NFATC3: variants seen among roughly 807,000 people sequenced by gnomAD.
The protein encoded by NFATC3 is nuclear factor of activated T-cells, cytoplasmic 3.
In NFATC3, 46 loss-of-function variants were observed where a neutral mutation model predicts 98.6. The observed-to-expected ratio is 0.47, with a 90% confidence interval of 0.37 to 0.60. The LOEUF (loss-of-function observed/expected upper bound fraction) is 0.60. NFATC3 is among the 20% of genes least tolerant of loss of function. The probability of loss-of-function intolerance (pLI) is 0.00; values close to 1 mark genes in which losing one functional copy is unlikely to be tolerated. For synonymous variants in NFATC3, 512 were observed against 472.2 expected, an observed-to-expected ratio of 1.08 and a Z score of -1.09; for missense variants, 1,256 against 1,295.5, an observed-to-expected ratio of 0.97 and a Z score of 0.47.
Position 68,122,337 on chromosome 16 carries a change from C to A in NFATC3, c.454C>A (p.Pro152Thr), listed in dbSNP as rs1279489887. 1.9e-6 allele frequency: 3 copies of A among 1,614,146 alleles called. No individual in the cohort carries two copies. Among genetic ancestry groups the A allele is most frequent in the Non-Finnish European group, 2.5e-6 (3 of 1,180,016 alleles). The change falls in exon 2 of 10, where the codon CCT (proline) becomes ACT (threonine). Residue 152 changes from proline (P) to threonine (T), a missense_variant. Coordinates refer to ENST00000346183, the MANE Select transcript of NFATC3 (RefSeq NM_173165.3). The part of the protein sequence containing the change: ...ERPSRDHLYL[P>T]LEPSYRESSL... ...GCCTTCTAGAGATCATCTCTATCTT[C>A]CTCTTGAGCCATCCTACCGGGAGTC...
chr16:68,214,376 A>C, intron 9 of NFATC3: 1 of 1,614,208 alleles, frequency 6.2e-7, no homozygotes, highest in Non-Finnish European at 8.5e-7. Flanking sequence ...TTCAGCAGAG[A>C]AATGGCCTAA....
chr16:68,177,748 T>C (rs1413554215), intron 6 of NFATC3, among the ~76,000 whole-genome samples: 1 of 152,122 alleles, frequency 6.6e-6, no homozygotes, highest in Non-Finnish European at 1.5e-5. Flanking sequence ...AGTTTAATTA[T>C]GTTTATGTCT....
chr16:68,183,612 G>A (rs959022069), intron 8 of NFATC3, among the ~76,000 whole-genome samples: 6 of 152,050 alleles, frequency 3.9e-5, no homozygotes, highest in African/African-American at 7.2e-5. Flanking sequence ...TTTCAGAAGG[G>A]TTTTAATCAA....
Position 68,191,643 on chromosome 16 carries a change from T to G in NFATC3, c.2974T>G (p.Leu992Val). 6.2e-7 allele frequency: 1 copy of G among 1,614,168 alleles called. No individual in the cohort carries two copies. The highest frequency in any genetic ancestry group is 1.6e-4 in the Middle Eastern group (1 of 6,062). ...GGGGGGTCTTTCTGCACCTTCATCC[T>G]TAATATGTCACAGTTTGTGTGATCC... ...GQGGLSAPSS[L>V]ICHSLCDPAS... is the part of the protein sequence containing the mutation. The change falls in exon 9 of 10, where the codon TTA becomes GTA. Residue 992 changes from leucine to valine, a missense_variant. Transcript: ENST00000346183.
chr16:68,144,281 T>C (rs2037915508), intron 3 of NFATC3, among the ~76,000 whole-genome samples: 1 of 152,124 alleles, frequency 6.6e-6, no homozygotes, highest in African/African-American at 2.4e-5. Flanking sequence ...AATATAATAC[T>C]AACTGTTGTC....
In NFATC3 at chr16:68,218,586, T is replaced by C. The variant is rs184100624; in HGVS notation, c.3107-7764T>C. Among the ~76,000 whole-genome samples the C allele has an allele frequency of 4.4e-3, 650 of 148,336 alleles. 6 individuals are homozygous for C. The highest frequency in any genetic ancestry group is 0.015 in the African/African-American group (597 of 39,250). On this transcript the variant is annotated intron_variant, in intron 9 of 9. Coordinates refer to ENST00000346183, the MANE Select transcript of NFATC3 (RefSeq NM_173165.3). ...TAGTTTAGATGGTGCTTTTTTTTTT[T>C]ATTTTGAGACAGAGTCTCACTCTGT...
chr16:68,186,699 C>T (rs969533939), intron 8 of NFATC3, among the ~76,000 whole-genome samples: 1 of 152,072 alleles, frequency 6.6e-6, no homozygotes, highest in Non-Finnish European at 1.5e-5. Context: ...TGTAACTGAA[C>T]ACTTTAATTT....
intron 1 of NFATC3, among the ~76,000 whole-genome samples, chr16:68,087,253 A>C (rs1430927185): frequency 6.6e-6 from 1 of 152,246 alleles, no homozygotes; most frequent in African/African-American, 2.4e-5. Context: ...GCATATATAC[A>C]AATATATGAT....
chr16:68,185,799 C>T (rs1167138088), intron 8 of NFATC3, among the ~76,000 whole-genome samples: 1 of 142,370 alleles, frequency 7.0e-6, no homozygotes, highest in Non-Finnish European at 1.5e-5. Flanking sequence ...GGAGGTGGAG[C>T]TTTCAGTGAG....
chr16:68,112,410 T>G (rs562615224), intron 1 of NFATC3, among the ~76,000 whole-genome samples: 4 of 150,598 alleles, frequency 2.7e-5, no homozygotes, highest in Admixed American at 6.7e-5. Flanking sequence ...CCCGAGTAGC[T>G]GGGACTACAG....
At chr16:68,095,678 C>T (rs1481614114) in intron 1 of NFATC3, among the ~76,000 whole-genome samples, 1 of 152,132 alleles carries the variant, frequency 6.6e-6, no homozygotes, top group Non-Finnish European at 1.5e-5. Context: ...ATAATGTAAA[C>T]CTGACTTTTG....
chr16:68,139,107 A>T (rs2037611002), intron 3 of NFATC3, among the ~76,000 whole-genome samples: 1 of 152,230 alleles, frequency 6.6e-6, no homozygotes. Context: ...TTCTCACTTT[A>T]TACTGAGAGA....
At chr16:68,094,890 G>A (rs1323016546) in intron 1 of NFATC3, among the ~76,000 whole-genome samples, 1 of 152,150 alleles carries the variant, frequency 6.6e-6, no homozygotes, top group African/African-American at 2.4e-5. Context: ...GAGTGACGAA[G>A]GACTTTTCCA....
intron 4 of NFATC3, among the ~76,000 whole-genome samples, chr16:68,158,607 T>C (rs2038731227): frequency 6.6e-6 from 1 of 152,134 alleles, no homozygotes; most frequent in African/African-American, 2.4e-5. Context: ...AATATACAGA[T>C]AGATATTTTA....
intron 6 of NFATC3, among the ~76,000 whole-genome samples, chr16:68,181,061 A>T (rs1156471528): frequency 1.3e-5 from 2 of 152,190 alleles, no homozygotes; most frequent in Non-Finnish European, 2.9e-5. Context: ...CTAGTTCTAG[A>T]TCTTTGAGGA....
intron 9 of NFATC3, chr16:68,212,704 G>A (rs887765243): frequency 1.3e-5 from 2 of 150,080 alleles, no homozygotes; most frequent in Admixed American, 6.7e-5. Context: ...TACAACTAAT[G>A]TTAAAGTCTC....
chr16:68,138,615 A>G (rs1306513433), intron 3 of NFATC3: 3 of 1,289,190 alleles, frequency 2.3e-6, no homozygotes, highest in East Asian at 5.5e-5. Flanking sequence ...ACTTAACTAC[A>G]TTAACCTGGA....
intron 9 of NFATC3, among the ~76,000 whole-genome samples, chr16:68,196,210 A>G (rs1181183470): frequency 6.6e-6 from 1 of 151,882 alleles, no homozygotes; most frequent in African/African-American, 2.4e-5. Flanking sequence ...ACCTCTACCT[A>G]CCAGGTTCAA....
intron 3 of NFATC3, among the ~76,000 whole-genome samples, chr16:68,155,317 G>GA (rs2038548596): frequency 6.6e-6 from 1 of 152,180 alleles, no homozygotes; most frequent in Non-Finnish European, 1.5e-5. Context: ...ACTGAAGGCA[G>GA]AAACCCTTAG....
Sources: gnomAD v4.1 joint callset for allele counts (sites outside exome capture counted in the v4.1 genomes callset) on GRCh38, gnomAD v4.1.1 for gene constraint, MANE v1.5 for transcripts, NCBI Gene and HGNC (gene_info 2026-07-23, HGNC 2026-07-21) for gene names.